GPC5: variants seen among roughly 807,000 people sequenced by gnomAD.
The protein encoded by GPC5 is glypican 5, also known as glypican-5.
GPC5 carries 47 observed loss-of-function variants against 53.9 expected under a neutral mutation model. The observed-to-expected ratio is 0.87, with a 90% CI of 0.69 to 1.11. GPC5 has a LOEUF of 1.11. GPC5 is among the 50% of genes most tolerant of loss of function. The pLI is 0.00. For synonymous variants in GPC5, 286 were observed against 263.3 expected (o/e 1.09, Z -0.84); for missense variants, 748 against 713.1 (o/e 1.05, Z -0.56).
At chr13:91,672,087 C>G (rs1055601746) in intron 2 of GPC5, among the ~76,000 whole-genome samples, 3 of 152,072 alleles carry the variant, frequency 2.0e-5, no homozygotes, top group African/African-American at 4.8e-5. Context: ...TATACAAAAA[C>G]TAACTCAAGA....
intron 7 of GPC5, among the ~76,000 whole-genome samples, chr13:92,865,427 C>T (rs932267203): frequency 1.3e-5 from 2 of 152,052 alleles, no homozygotes; most frequent in African/African-American, 4.8e-5. Context: ...AATTCCTGAT[C>T]TCACTTACAT....
intron 7 of GPC5, among the ~76,000 whole-genome samples, chr13:92,843,066 A>G (rs985486749): frequency 1.3e-5 from 2 of 152,196 alleles, no homozygotes; most frequent in African/African-American, 4.8e-5. Context: ...TCAAGAAGCA[A>G]TAAAGACTGT....
chr13:92,284,780 A>AT lies in GPC5; in HGVS notation c.1561+139792dup, dbSNP rs1430036799. Among the ~76,000 whole-genome samples, 6 of 152,322 alleles carry AT rather than the reference A, an allele frequency of 3.9e-5. No individual in the cohort carries two copies. In the East Asian group the frequency reaches 9.6e-4, roughly 24 times the overall value. On this transcript the variant is annotated intron_variant, in intron 7 of 7. Coordinates refer to ENST00000377067, the MANE Select transcript of GPC5 (RefSeq NM_004466.6). ...GCTATTTATGACAAACTCACAATCAATATCATACTGAATGGGCAAAAACTG... is the reference window on the plus strand; with the variant it reads ...GCTATTTATGACAAACTCACAATCAATTATCATACTGAATGGGCAAAAACTG...
At position 92,188,364 on chromosome 13, in the gene GPC5, A is replaced by G. The variant is rs538412708; in HGVS notation, c.1561+43375A>G. ...AGGAGAAATTCATGTTACTAAAAGCACAAGCACTCAATTAATTAATTGTCA... is the reference window on the plus strand; with the variant it reads ...AGGAGAAATTCATGTTACTAAAAGCGCAAGCACTCAATTAATTAATTGTCA... On this transcript the variant is annotated intron_variant, in intron 7 of 7. Transcript: ENST00000377067. 2.6e-4 allele frequency among the ~76,000 whole-genome samples: 40 copies of G among 152,316 alleles called. 1 individual carries two copies. The South Asian group carries it at 8.3e-3, about 32-fold the overall frequency.
chr13:91,677,397 T>C (rs1356010060), intron 2 of GPC5, among the ~76,000 whole-genome samples: 1 of 152,238 alleles, frequency 6.6e-6, no homozygotes, highest in African/African-American at 2.4e-5. Context: ...TTATGGAATT[T>C]GGTGCCTTAG....
At chr13:92,197,234 C>A (rs1227690626) in intron 7 of GPC5, among the ~76,000 whole-genome samples, 1 of 152,088 alleles carries the variant, frequency 6.6e-6, no homozygotes, top group Non-Finnish European at 1.5e-5. Context: ...AAGATAAAAA[C>A]CCCCAGACCA....
intron 7 of GPC5, among the ~76,000 whole-genome samples, chr13:92,624,036 A>AT (rs1884967191): frequency 2.1e-5 from 3 of 140,010 alleles, no homozygotes; most frequent in African/African-American, 8.0e-5. Flanking sequence ...TTTTTTTTCT[A>AT]TTTTTAGTAG....
intron 7 of GPC5, among the ~76,000 whole-genome samples, chr13:92,168,779 C>T (rs1182111981): frequency 2.0e-5 from 3 of 152,086 alleles, no homozygotes; most frequent in Non-Finnish European, 4.4e-5. Flanking sequence ...TGTGGCAGTT[C>T]CTCAGAGACC....
At chr13:92,493,983 C>T (rs1879863506) in intron 7 of GPC5, among the ~76,000 whole-genome samples, 1 of 152,182 alleles carries the variant, frequency 6.6e-6, no homozygotes, top group Non-Finnish European at 1.5e-5. Context: ...ATATAATTCA[C>T]AATTCACATA....
intron 7 of GPC5, among the ~76,000 whole-genome samples, chr13:92,189,367 C>T (rs554720644): frequency 2.6e-5 from 4 of 152,228 alleles, no homozygotes; most frequent in African/African-American, 9.6e-5. Flanking sequence ...GGCAAGGGAA[C>T]TATGCAACTC....
chr13:92,489,889 T>G (rs2139445636), intron 7 of GPC5, among the ~76,000 whole-genome samples: 1 of 146,774 alleles, frequency 6.8e-6, no homozygotes, highest in East Asian at 2.0e-4. Context: ...AAAAAAAAAG[T>G]CAGCTTCTAA....
intron 7 of GPC5, among the ~76,000 whole-genome samples, chr13:92,579,557 G>T (rs1883309407): frequency 6.6e-6 from 1 of 151,910 alleles, no homozygotes; most frequent in Admixed American, 6.6e-5. Flanking sequence ...CGTATGTGGG[G>T]CCATAAGGGG....
At chr13:92,509,670 G>T (rs968245889) in intron 7 of GPC5, 1 of 152,048 alleles carries the variant, frequency 6.6e-6, no homozygotes, top group South Asian at 2.1e-4. Context: ...ATCCAAGGAA[G>T]ACAGAAATAA....
chr13:91,589,326 G>T (rs763107268), intron 2 of GPC5, among the ~76,000 whole-genome samples: 1 of 150,762 alleles, frequency 6.6e-6, no homozygotes, highest in Non-Finnish European at 1.5e-5. Flanking sequence ...CTTTTCTTCC[G>T]TACTTTTTTT....
At chr13:91,913,949 A>G (rs750645643) in intron 6 of GPC5, among the ~76,000 whole-genome samples, 1 of 152,194 alleles carries the variant, frequency 6.6e-6, no homozygotes, top group Non-Finnish European at 1.5e-5. Context: ...TTGCCCTTTA[A>G]TATTATAGAT....
intron 7 of GPC5, among the ~76,000 whole-genome samples, chr13:92,775,598 T>A (rs1875775784): frequency 6.6e-6 from 1 of 152,186 alleles, no homozygotes; most frequent in South Asian, 2.1e-4. Flanking sequence ...CATACCTTAG[T>A]TAAGTGACTT....
chr13:91,734,581 G>A (rs2036773950), intron 4 of GPC5, among the ~76,000 whole-genome samples: 1 of 151,466 alleles, frequency 6.6e-6, no homozygotes, highest in African/African-American at 2.5e-5. Context: ...ACAGGTCCCT[G>A]TAGGGAATGG....
At chr13:92,722,547 A>T (rs1285949367) in intron 7 of GPC5, among the ~76,000 whole-genome samples, 2 of 151,944 alleles carry the variant, frequency 1.3e-5, no homozygotes, top group African/African-American at 4.8e-5. Context: ...AAGACATTCC[A>T]TCAGTCTTTC....
intron 3 of GPC5, among the ~76,000 whole-genome samples, chr13:91,717,749 G>A (rs1308395076): frequency 6.6e-6 from 1 of 151,970 alleles, no homozygotes; most frequent in African/African-American, 2.4e-5. Context: ...TAGAGATGGG[G>A]TTTCACCATA....
Sources: allele counts gnomAD v4.1 joint callset (sites outside exome capture counted in the v4.1 genomes callset), GRCh38; gene constraint gnomAD v4.1.1; transcripts MANE v1.5; gene names NCBI Gene and HGNC (gene_info 2026-07-23, HGNC 2026-07-21).